SIRPG: variants seen among roughly 807,000 people sequenced by gnomAD.
The protein encoded by SIRPG is signal-regulatory protein gamma.
A neutral mutation model predicts 35.7 loss-of-function variants in SIRPG; 38 were observed. The ratio of observed to expected loss-of-function variants is 1.06; its 90% confidence interval spans 0.82 to 1.40. The LOEUF is 1.40. Ranked by LOEUF, SIRPG falls within the 40% of genes most tolerant of loss-of-function variation. The pLI is 0.00. For missense variants in SIRPG, 519 were observed against 483.0 expected (o/e 1.07, Z -0.70); for synonymous variants, 215 against 190.4 (o/e 1.13, Z -1.06).
chr20:1,670,637 G>T, the SIRPG span, among the ~76,000 whole-genome samples: 1 of 152,122 alleles, frequency 6.6e-6, no homozygotes, highest in Non-Finnish European at 1.5e-5. Context: ...GAGCTTGCTA[G>T]CTATCTAGCA....
the SIRPG span, among the ~76,000 whole-genome samples, chr20:1,673,642 C>A: frequency 6.6e-6 from 1 of 151,918 alleles, no homozygotes. Context: ...GGAGCAGAAA[C>A]CACCAAGTGA....
intron 2 of SIRPG, among the ~76,000 whole-genome samples, chr20:1,643,220 T>C (rs1307172110): frequency 6.6e-6 from 1 of 152,238 alleles, no homozygotes; most frequent in Non-Finnish European, 1.5e-5. Flanking sequence ...CAATCATAGC[T>C]GTGATCTTTT....
rs772584701 is a variant in SIRPG at position 1,635,615 on chromosome 20, G to T, written c.749-16C>A. The T allele has an allele frequency of 6.2e-7, 1 of 1,612,274 alleles. No homozygotes were observed. Among genetic ancestry groups the T allele is most frequent in the Admixed American group, 1.7e-5 (1 of 59,970 alleles). On this transcript the variant is annotated splice_polypyrimidine_tract_variant and intron_variant, in intron 3 of 5. Coordinates refer to ENST00000303415, the MANE Select transcript of SIRPG (RefSeq NM_018556.4). ...GTGGGTGGAACTGAAACAGCACAGGGTAGAAGCTCTGATCTTCTGGCACAG... is the reference window on the plus strand; with the variant it reads ...GTGGGTGGAACTGAAACAGCACAGGTTAGAAGCTCTGATCTTCTGGCACAG...
the SIRPG span, among the ~76,000 whole-genome samples, chr20:1,668,187 CTTTTTCTTTTCT>C: frequency 7.2e-4 from 36 of 49,910 alleles, no homozygotes; most frequent in African/African-American, 2.0e-3. Flanking sequence ...TTCTTTCTTT[CTTTTTCTTTTCT>C]TTTCTTTCTT....
At chr20:1,673,623 A>G in the SIRPG span, among the ~76,000 whole-genome samples, 1 of 152,072 alleles carries the variant, frequency 6.6e-6, no homozygotes, top group Non-Finnish European at 1.5e-5. Flanking sequence ...ACAAACCCAA[A>G]TGACAAAAGG....
intron 2 of SIRPG, chr20:1,648,384 A>T (rs1465948896): frequency 1.3e-5 from 2 of 152,216 alleles, no homozygotes; most frequent in Admixed American, 6.5e-5. Flanking sequence ...CCGGGCCATT[A>T]GACTAAACAG....
At chr20:1,659,728 A>T (rs534907755), upstream of SIRPG, among the ~76,000 whole-genome samples, 1 of 152,190 alleles carries the variant, frequency 6.6e-6, no homozygotes, top group African/African-American at 2.4e-5. Context: ...TTCACTTTTA[A>T]TGGTTGTACT....
chr20:1,636,575 C>A, intron 2 of SIRPG, 70 bp from the exon 3 acceptor site: 1 of 1,463,588 alleles, frequency 6.8e-7, no homozygotes, highest in Non-Finnish European at 9.5e-7. Context: ...GTGTGTGACA[C>A]TGTTAAGAAC....
chr20:1,656,369 T>G (rs962218019), intron 1 of SIRPG, among the ~76,000 whole-genome samples: 1 of 152,162 alleles, frequency 6.6e-6, no homozygotes, highest in African/African-American at 2.4e-5. Flanking sequence ...AGGGATGCTG[T>G]GAGGATTAGT....
chr20:1,662,690 T>C (rs1390562895), upstream of SIRPG, among the ~76,000 whole-genome samples: 1 of 152,338 alleles, frequency 6.6e-6, no homozygotes, highest in East Asian at 1.9e-4. Context: ...CAACCATTAT[T>C]TTTCCCATTG....
chr20:1,658,682 T>C (rs2091987585), upstream of SIRPG, among the ~76,000 whole-genome samples: 2 of 152,122 alleles, frequency 1.3e-5, no homozygotes, highest in South Asian at 4.1e-4. Flanking sequence ...TTAGTGACGA[T>C]TAAAGAGGTA....
chr20:1,632,364 C>T (rs187405690), intron 4 of SIRPG, among the ~76,000 whole-genome samples: 1 of 152,184 alleles, frequency 6.6e-6, no homozygotes, highest in Non-Finnish European at 1.5e-5. Flanking sequence ...AGTGCACAGT[C>T]TCTTACCCGG....
At chr20:1,639,456 TTTGATGGGG>T (rs1341506128) in intron 2 of SIRPG, among the ~76,000 whole-genome samples, 1 of 152,212 alleles carries the variant, frequency 6.6e-6, no homozygotes, top group Non-Finnish European at 1.5e-5. Context: ...TTGCATACTT[TTTGATGGGG>T]TTGTTTGTTT....
chr20:1,635,269 G>T lies in SIRPG; in HGVS notation c.1079C>A (p.Pro360His), dbSNP rs547634798. The change falls in exon 4 of 6, where the codon CCT (proline) becomes CAT (histidine). Residue 360 changes from proline (P) to histidine (H), a missense_variant and splice_region_variant. Coordinates refer to ENST00000303415, the MANE Select transcript of SIRPG (RefSeq NM_018556.4). The part of the protein sequence containing the change: ...HQKDQSSDAT[P>H]GPASSLTALL... ...TTAAAAATTTTGAGTAACCTCACCA[G>T]GGGTAGCATCTGAGCTCTGGTCCTT... 1 of 1,600,574 alleles carries T rather than the reference G, an allele frequency of 6.2e-7. No homozygotes were observed. Among genetic ancestry groups the T allele is most frequent in the African/African-American group, 1.3e-5 (1 of 74,586 alleles).
At chr20:1,658,143 A>G (rs1364276694), upstream of SIRPG, among the ~76,000 whole-genome samples, 1 of 152,166 alleles carries the variant, frequency 6.6e-6, no homozygotes, top group Non-Finnish European at 1.5e-5. Context: ...CACCAGCCTC[A>G]ACCAAATGCC....
chr20:1,657,687 G>T lies in SIRPG; in HGVS notation c.28C>A (p.Pro10Thr). The T allele has an allele frequency of 6.2e-7, 1 of 1,614,206 alleles. No individual in the cohort carries two copies. The highest frequency in any genetic ancestry group is 1.1e-5 in the South Asian group (1 of 91,080). The part of the protein sequence containing the change: MPVPASWPH[P>T]PGPFLLLTLL... The stretch of plus-strand genomic sequence containing the variant: ...GTCAGAAGCAGGAAAGGACCAGGAG[G>T]ATGGGGCCAGGAGGCTGGGACAGGC... Residue 10 changes from proline (P) to threonine (T), a missense_variant, in exon 1 of 6, where the codon CCT becomes ACT. Coordinates refer to ENST00000303415, the MANE Select transcript of SIRPG (RefSeq NM_018556.4).
upstream of SIRPG, among the ~76,000 whole-genome samples, chr20:1,661,252 G>C (rs1316743121): frequency 1.3e-5 from 2 of 152,130 alleles, no homozygotes; most frequent in African/African-American, 2.4e-5. Flanking sequence ...GATGAGCTGA[G>C]GTCATGTGCC....
chr20:1,683,466 T>C, the SIRPG span, among the ~76,000 whole-genome samples: 5 of 152,216 alleles, frequency 3.3e-5, no homozygotes, highest in Non-Finnish European at 7.3e-5. Flanking sequence ...GCAGCATTAT[T>C]TACAGTAGCA....
intron 1 of SIRPG, among the ~76,000 whole-genome samples, chr20:1,650,934 G>C (rs1322528760): frequency 6.6e-6 from 1 of 152,162 alleles, no homozygotes; most frequent in Non-Finnish European, 1.5e-5. Context: ...TAAAGTATTG[G>C]AGGTCAGAAG....
Sources: allele counts gnomAD v4.1 joint callset (sites outside exome capture counted in the v4.1 genomes callset), GRCh38; gene constraint gnomAD v4.1.1; transcripts MANE v1.5; gene names NCBI Gene and HGNC (gene_info 2026-07-23, HGNC 2026-07-21).